The following NFIB variants were observed in gnomAD, a reference collection of about 807,000 sequenced individuals.
NFIB encodes nuclear factor I B, also known as nuclear factor 1 B-type.
Under a neutral mutation model 61.5 loss-of-function variants are expected in NFIB, and 11 were observed. The observed-to-expected ratio is 0.18, with a 90% CI of 0.11 to 0.30. The LOEUF (loss-of-function observed/expected upper bound fraction) is 0.30, where lower values mean the gene tolerates loss of function less well. Among genes scored for constraint, NFIB ranks in the 10% least tolerant of loss-of-function variants. NFIB has a pLI of 1.00. For synonymous variants in NFIB, 260 were observed against 216.5 expected, an observed-to-expected ratio of 1.20 and a Z score of -1.76; for missense variants, 471 against 608.9, an observed-to-expected ratio of 0.77 and a Z score of 2.38.
the NFIB span, among the ~76,000 whole-genome samples, chr9:14,471,883 A>G: frequency 6.6e-6 from 1 of 152,168 alleles, no homozygotes; most frequent in South Asian, 2.1e-4. Flanking sequence ...CTCTGAAGTG[A>G]TTGATCCACC....
At chr9:14,289,483 T>G (rs1276399206) in intron 2 of NFIB, among the ~76,000 whole-genome samples, 1 of 151,828 alleles carries the variant, frequency 6.6e-6, no homozygotes, top group Non-Finnish European at 1.5e-5. Flanking sequence ...ATATTTGGTA[T>G]ACCAATATTT....
chr9:14,463,116 CAATTAAAT>C, the NFIB span, among the ~76,000 whole-genome samples: 2 of 149,914 alleles, frequency 1.3e-5, no homozygotes, highest in Admixed American at 1.3e-4. Context: ...AATTAAAATT[CAATTAAAT>C]AATTAAATCA....
chr9:14,204,351 G>C, intron 2 of NFIB: 3 of 820,420 alleles, frequency 3.7e-6, no homozygotes, highest in Non-Finnish European at 4.1e-6. Context: ...TTTGAGAAAA[G>C]GCCTAAGAAT....
intron 6 of NFIB, among the ~76,000 whole-genome samples, chr9:14,132,091 T>C (rs537943578): frequency 6.6e-6 from 1 of 152,304 alleles, no homozygotes; most frequent in Admixed American, 6.5e-5. Context: ...AATTTCAAAT[T>C]AATTATGTAA....
chr9:14,326,505 G>T (rs2060753395), intron 1 of NFIB, among the ~76,000 whole-genome samples: 1 of 152,134 alleles, frequency 6.6e-6, no homozygotes, highest in Non-Finnish European at 1.5e-5. Context: ...ACATAGATCT[G>T]ATGACATCTT....
chr9:14,487,901 G>C, the NFIB span, among the ~76,000 whole-genome samples: 1 of 152,158 alleles, frequency 6.6e-6, no homozygotes, highest in African/African-American at 2.4e-5. Flanking sequence ...GGAGGGCAGG[G>C]TTAGTGGAGA....
intron 1 of NFIB, among the ~76,000 whole-genome samples, chr9:14,368,908 G>A (rs2061329801): frequency 6.6e-6 from 1 of 152,122 alleles, no homozygotes; most frequent in Admixed American, 6.5e-5. Flanking sequence ...ACTATATAGG[G>A]ACAATATCAA....
chr9:14,390,363 G>A (rs568319112), intron 1 of NFIB, among the ~76,000 whole-genome samples: 1 of 152,100 alleles, frequency 6.6e-6, no homozygotes, highest in African/African-American at 2.4e-5. Context: ...TAATTTTGGG[G>A]GAAAGGAATG....
chr9:14,189,601 A>G (rs928247192), intron 2 of NFIB, among the ~76,000 whole-genome samples: 7 of 47,832 alleles, frequency 1.5e-4, no homozygotes, highest in Non-Finnish European at 8.9e-4. Context: ...CCCCCTCCTA[A>G]AAAAAAAAAA....
At chr9:14,176,038 A>C (rs2046152447) in intron 3 of NFIB, among the ~76,000 whole-genome samples, 1 of 152,208 alleles carries the variant, frequency 6.6e-6, no homozygotes, top group Admixed American at 6.5e-5. Context: ...AGACACACAA[A>C]ATAATAAAGC....
chr9:14,351,270 G>C (rs777884179), intron 1 of NFIB, among the ~76,000 whole-genome samples: 7 of 152,156 alleles, frequency 4.6e-5, no homozygotes, highest in Non-Finnish European at 7.4e-5. Flanking sequence ...TTGGGCAGTG[G>C]GTTCCTTCTG....
At chr9:14,333,260 A>T (rs2060843403) in intron 1 of NFIB, among the ~76,000 whole-genome samples, 1 of 152,264 alleles carries the variant, frequency 6.6e-6, no homozygotes, top group Non-Finnish European at 1.5e-5. Context: ...CTTGTTTTAC[A>T]GATGAGAAGA....
chr9:14,482,999 T>A, the NFIB span, among the ~76,000 whole-genome samples: 1 of 152,104 alleles, frequency 6.6e-6, no homozygotes, highest in African/African-American at 2.4e-5. Flanking sequence ...CGAATAAAAA[T>A]AAAACCCATT....
the NFIB span, among the ~76,000 whole-genome samples, chr9:14,465,601 ACACACACG>A: frequency 2.7e-5 from 4 of 150,898 alleles, no homozygotes; most frequent in African/African-American, 9.8e-5. Flanking sequence ...ACACACACAC[ACACACACG>A]CCCTACCCCC....
chr9:14,242,621 C>G (rs544463565), intron 2 of NFIB, among the ~76,000 whole-genome samples: 138 of 152,328 alleles, frequency 9.1e-4, no homozygotes, highest in South Asian at 1.7e-3. Flanking sequence ...TCTGCTGAAG[C>G]AGATGACAGA....
the NFIB span, among the ~76,000 whole-genome samples, chr9:14,485,131 A>G: frequency 3.3e-5 from 5 of 152,188 alleles, no homozygotes; most frequent in African/African-American, 7.2e-5. Context: ...ATTTGACCCT[A>G]TCCCCAGATA....
intron 2 of NFIB, among the ~76,000 whole-genome samples, chr9:14,212,216 G>A (rs1239117836): frequency 2.0e-5 from 3 of 152,158 alleles, no homozygotes; most frequent in Admixed American, 6.5e-5. Flanking sequence ...CAAATAATTA[G>A]AATACTTATT....
At chr9:14,320,532 C>T (rs1466971869) in intron 1 of NFIB, among the ~76,000 whole-genome samples, 1 of 152,172 alleles carries the variant, frequency 6.6e-6, no homozygotes. Flanking sequence ...AACTGGAAAC[C>T]ACAACGTTTT....
At chr9:14,202,034 A>C (rs1275107629) in intron 2 of NFIB, among the ~76,000 whole-genome samples, 1 of 152,180 alleles carries the variant, frequency 6.6e-6, no homozygotes, top group African/African-American at 2.4e-5. Flanking sequence ...GTTGACTTTC[A>C]TTCACTTGCT....
Sources: gnomAD v4.1 joint callset for allele counts (sites outside exome capture counted in the v4.1 genomes callset) on GRCh38, gnomAD v4.1.1 for gene constraint, MANE v1.5 for transcripts, NCBI Gene and HGNC (gene_info 2026-07-23, HGNC 2026-07-21) for gene names.